The following ABTB2 variants were observed in gnomAD, a reference collection of about 807,000 sequenced individuals.
ABTB2 encodes the protein ankyrin repeat and BTB domain containing 2.
Under a neutral mutation model 104.1 loss-of-function variants are expected in ABTB2, and 56 were observed. The ratio of observed to expected loss-of-function variants is 0.54; its 90% CI spans 0.43 to 0.67. The LOEUF is 0.67. ABTB2 is among the 30% of genes least tolerant of loss of function. The pLI is 0.00. For missense variants in ABTB2, 1,279 were observed against 1,407.7 expected (o/e 0.91, Z 1.46); for synonymous variants, 606 against 608.2 (o/e 1.00, Z 0.05).
In ABTB2 at chr11:34,260,453, G is replaced by A. The variant is rs539677845; in HGVS notation, c.884-55763C>T. ...CGCTGATCACGGTGTAATTCAATGA[G>A]GGGTCTCTGAAGAGGACATGTCAGC... On this transcript the variant is annotated intron_variant, in intron 1 of 16. Coordinates refer to ENST00000435224, the MANE Select transcript of ABTB2 (RefSeq NM_145804.3). Among the ~76,000 whole-genome samples the A allele has an allele frequency of 2.4e-3, 373 of 152,288 alleles. 2 individuals carry two copies. Among genetic ancestry groups the A allele is most frequent in the African/African-American group, 8.4e-3 (349 of 41,562 alleles).
At chr11:34,290,752 A>G (rs1854557975) in intron 1 of ABTB2, among the ~76,000 whole-genome samples, 1 of 152,236 alleles carries the variant, frequency 6.6e-6, no homozygotes, top group Admixed American at 6.5e-5. Context: ...GAACAAAAGA[A>G]GAGTGTGTGC....
At position 34,212,841 on chromosome 11, in the gene ABTB2, G is replaced by A. The variant is rs1355499799; in HGVS notation, c.884-8151C>T. 2.6e-5 allele frequency among the ~76,000 whole-genome samples: 4 copies of A among 152,286 alleles called. No homozygotes were observed. In the South Asian group the frequency reaches 6.2e-4, roughly 24 times the overall value. ...GTCTTCTGGTGAAGTCAGGCCCGGG[G>A]CCCAGGAGCTCACTGTTAAACAGTA... On this transcript the variant is annotated intron_variant, in intron 1 of 16. Transcript: ENST00000435224.
chr11:34,180,106 C>G (rs1853007862), intron 3 of ABTB2, among the ~76,000 whole-genome samples: 1 of 152,210 alleles, frequency 6.6e-6, no homozygotes, highest in Non-Finnish European at 1.5e-5. Flanking sequence ...TGCCTCAGCT[C>G]CAGCTTTCTG....
chr11:34,203,881 G>A (rs890903079), intron 2 of ABTB2, among the ~76,000 whole-genome samples: 6 of 152,190 alleles, frequency 3.9e-5, no homozygotes, highest in Admixed American at 3.9e-4. Flanking sequence ...TCAACAGAGC[G>A]AGGGGGAATG....
intron 1 of ABTB2, chr11:34,335,793 C>A: frequency 7.3e-7 from 1 of 1,365,754 alleles, no homozygotes; most frequent in Non-Finnish European, 1.0e-6. Flanking sequence ...GAAGCTTGAA[C>A]CTCTGATCTT....
intron 1 of ABTB2, among the ~76,000 whole-genome samples, chr11:34,323,832 T>C (rs1855034199): frequency 6.6e-6 from 1 of 152,006 alleles, no homozygotes; most frequent in South Asian, 2.1e-4. Context: ...TTCTTTCTTT[T>C]GAAAAGCCCT....
intron 1 of ABTB2, among the ~76,000 whole-genome samples, chr11:34,238,624 C>T (rs560859570): frequency 6.6e-6 from 1 of 152,334 alleles, no homozygotes; most frequent in South Asian, 2.1e-4. Flanking sequence ...CTTGCAACAG[C>T]CACTTTATAA....
chr11:34,338,640 T>G (rs1855223265), intron 1 of ABTB2, among the ~76,000 whole-genome samples: 2 of 152,020 alleles, frequency 1.3e-5, no homozygotes, highest in Non-Finnish European at 2.9e-5. Flanking sequence ...GGGGCAAGGC[T>G]TGCAGTGAGC....
chr11:34,181,790 C>G (rs1315461088), intron 3 of ABTB2, among the ~76,000 whole-genome samples: 1 of 152,182 alleles, frequency 6.6e-6, no homozygotes, highest in Non-Finnish European at 1.5e-5. Context: ...CTGCAAGCAC[C>G]CTGGGAGTCC....
At chr11:34,214,139 A>AAAAAACACACAC (rs112616498) in intron 1 of ABTB2, among the ~76,000 whole-genome samples, 1 of 139,172 alleles carries the variant, frequency 7.2e-6, no homozygotes, top group African/African-American at 2.8e-5. Flanking sequence ...GCACATTCAA[A>AAAAAACACACAC]ACACACACAC....
At chr11:34,272,414 T>C (rs952941904) in intron 1 of ABTB2, among the ~76,000 whole-genome samples, 2 of 150,928 alleles carry the variant, frequency 1.3e-5, no homozygotes, top group Admixed American at 6.6e-5. Context: ...TAAAAAACCA[T>C]ACACATTGGC....
intron 2 of ABTB2, among the ~76,000 whole-genome samples, chr11:34,202,815 G>A (rs1376084424): frequency 6.6e-6 from 1 of 151,908 alleles, no homozygotes; most frequent in Admixed American, 6.6e-5. Context: ...CTCCAGCCTG[G>A]GTGACAGAGC....
chr11:34,333,195 T>A (rs144456559), intron 1 of ABTB2, among the ~76,000 whole-genome samples: 1 of 152,116 alleles, frequency 6.6e-6, no homozygotes, highest in African/African-American at 2.4e-5. Context: ...GTAAAAGTAA[T>A]TGAAGGTGGC....
intron 1 of ABTB2, among the ~76,000 whole-genome samples, chr11:34,216,498 C>T (rs1853550560): frequency 1.3e-5 from 2 of 152,150 alleles, no homozygotes; most frequent in Admixed American, 6.5e-5. Flanking sequence ...CACCTGTAAT[C>T]CCAGAACTTT....
chr11:34,239,138 G>C (rs1405676370), intron 1 of ABTB2, among the ~76,000 whole-genome samples: 4 of 152,142 alleles, frequency 2.6e-5, no homozygotes, highest in African/African-American at 4.8e-5. Flanking sequence ...GACCCAGGAG[G>C]TACCCAGTAA....
intron 3 of ABTB2, among the ~76,000 whole-genome samples, chr11:34,195,570 C>A (rs116771269): frequency 6.6e-6 from 1 of 152,190 alleles, no homozygotes; most frequent in African/African-American, 2.4e-5. Flanking sequence ...CCCTACTATG[C>A]GTGTACTGGG....
In ABTB2 at chr11:34,234,812, G is replaced by A. The variant is rs145494941; in HGVS notation, c.884-30122C>T. Among the ~76,000 whole-genome samples the A allele has an allele frequency of 6.2e-3, 937 of 152,228 alleles. 30 individuals are homozygous for A. The highest frequency in any genetic ancestry group is 0.054 in the Admixed American group (832 of 15,290). On this transcript the variant is annotated intron_variant, in intron 1 of 16. Transcript: ENST00000435224. Reference sequence around the variant, plus strand: ...TCTGCCACAGAAGAGGGCCCTTTTAGTTTCCCTGAAGCACTTATACAGAGA... The same window carrying A: ...TCTGCCACAGAAGAGGGCCCTTTTAATTTCCCTGAAGCACTTATACAGAGA...
chr11:34,168,132 C>A (rs1269627093), intron 5 of ABTB2, 140 bp from the exon 6 acceptor site: 1 of 827,706 alleles, frequency 1.2e-6, no homozygotes, highest in African/African-American at 1.7e-5. Flanking sequence ...AGGCTCTGTG[C>A]TTCCTGGGCT....
intron 2 of ABTB2, among the ~76,000 whole-genome samples, chr11:34,201,636 G>A (rs1440082655): frequency 1.3e-5 from 2 of 152,196 alleles, no homozygotes; most frequent in Admixed American, 6.5e-5. Context: ...AAGGGGTTCA[G>A]TGCCAAGTAT....
Sources: allele counts gnomAD v4.1 joint callset (sites outside exome capture counted in the v4.1 genomes callset), GRCh38; gene constraint gnomAD v4.1.1; transcripts MANE v1.5; gene names NCBI Gene and HGNC (gene_info 2026-07-23, HGNC 2026-07-21).